Variants in TFB1M observed in about 807,000 individuals in gnomAD.
TFB1M encodes dimethyladenosine transferase 1, mitochondrial.
In TFB1M, 27 loss-of-function variants were observed where a neutral mutation model predicts 31.1. The ratio of observed to expected loss-of-function variants is 0.87; its 90% CI spans 0.64 to 1.20. The LOEUF (loss-of-function observed/expected upper bound fraction) is 1.20, where lower values mean the gene tolerates loss of function less well. TFB1M is among the 50% of genes most tolerant of loss of function. The pLI, the probability that TFB1M is intolerant of heterozygous loss-of-function variation, is 0.00. For synonymous variants in TFB1M, 166 were observed against 151.8 expected, an observed-to-expected ratio of 1.09 and a Z score of -0.69; for missense variants, 394 against 418.7, an observed-to-expected ratio of 0.94 and a Z score of 0.51.
At chr6:155,240,548 G>A in the TFB1M span, 2 of 1,613,690 alleles carry the variant, frequency 1.2e-6, no homozygotes, top group East Asian at 2.2e-5. Context: ...GCAGATCACT[G>A]CACTGTGCAG....
the TFB1M span, chr6:155,251,038 G>C: frequency 6.2e-7 from 1 of 1,604,834 alleles, no homozygotes; most frequent in South Asian, 1.1e-5. Context: ...ATTCCATTCA[G>C]AAGAATGCAG....
chr6:155,257,722 CATCTG>C lies in TFB1M; in HGVS notation c.*109_*113del. 7.8e-7 allele frequency: 1 copy of C among 1,285,542 alleles called. No homozygotes were observed. Among genetic ancestry groups the C allele is most frequent in the Non-Finnish European group, 1.1e-6 (1 of 908,456 alleles). 79.6% of individuals were successfully genotyped at this position (1,285,542 alleles called of 1,614,324 possible). A position where few individuals can be genotyped will look rare whatever the true frequency, so the allele number is the denominator to read the frequency against. On this transcript the variant is annotated 3_prime_UTR_variant, in exon 7 of 7. Coordinates refer to ENST00000367166, the MANE Select transcript of TFB1M (RefSeq NM_016020.4). The stretch of plus-strand genomic sequence containing the variant: ...TGTATAGTAAAAGGAAAATAAGTCA[CATCTG>C]GTCATTGGCATTTGTATCGTCATTC...
At chr6:155,254,785 C>G (rs1246599454), downstream of TFB1M, 2 of 554,628 alleles carry the variant, frequency 3.6e-6, no homozygotes, top group South Asian at 2.6e-5. Flanking sequence ...GTCTTCCTAC[C>G]CGCTGACATA....
intron 2 of TFB1M, chr6:155,310,779 T>C (rs564760403): frequency 2.8e-4 from 54 of 192,772 alleles, no homozygotes; most frequent in Middle Eastern, 2.4e-3. Context: ...ATCTTTTGTT[T>C]GTGGAAATGC....
At chr6:155,251,866 G>T, downstream of TFB1M, 1 of 1,134,700 alleles carries the variant, frequency 8.8e-7, no homozygotes, top group Non-Finnish European at 1.3e-6. Flanking sequence ...GTGTTACTCT[G>T]TTAAGACGTT....
chr6:155,244,955 G>A, the TFB1M span: 1 of 850,914 alleles, frequency 1.2e-6, no homozygotes, highest in Admixed American at 3.7e-5. Flanking sequence ...AAGGAAGGCT[G>A]TATATATTTT....
intron 5 of TFB1M, among the ~76,000 whole-genome samples, chr6:155,273,402 G>C (rs1382007884): frequency 5.9e-5 from 9 of 152,192 alleles, no homozygotes; most frequent in Non-Finnish European, 1.5e-5. Flanking sequence ...ATGTCTTAGA[G>C]AATCAATGTT....
chr6:155,267,269 C>T (rs917163788), intron 5 of TFB1M, among the ~76,000 whole-genome samples: 4 of 152,226 alleles, frequency 2.6e-5, no homozygotes, highest in African/African-American at 9.6e-5. Flanking sequence ...GCCACCACAC[C>T]TGGCCGTAGA....
At chr6:155,296,742 C>T (rs1583365497) in intron 4 of TFB1M, among the ~76,000 whole-genome samples, 1 of 137,006 alleles carries the variant, frequency 7.3e-6, no homozygotes. Context: ...CCTTGGCTAA[C>T]ATACATCATT....
intron 4 of TFB1M, among the ~76,000 whole-genome samples, chr6:155,286,924 T>C (rs1438847187): frequency 2.6e-5 from 4 of 152,074 alleles, no homozygotes; most frequent in African/African-American, 7.2e-5. Flanking sequence ...TTGAAATTTA[T>C]AGTGTTCAGA....
chr6:155,295,746 C>A (rs1372236417), intron 4 of TFB1M, among the ~76,000 whole-genome samples: 1 of 152,180 alleles, frequency 6.6e-6, no homozygotes, highest in South Asian at 2.1e-4. Context: ...TGCATCTGTA[C>A]TGAACATGTA....
At chr6:155,292,881 G>C (rs1776996725) in intron 4 of TFB1M, among the ~76,000 whole-genome samples, 1 of 152,178 alleles carries the variant, frequency 6.6e-6, no homozygotes, top group South Asian at 2.1e-4. Flanking sequence ...CCAGGCTGGA[G>C]TGCAGTGACA....
chr6:155,257,202 A>G lies in TFB1M; in HGVS notation c.*634T>C. The G allele has an allele frequency of 1.4e-6, 2 of 1,428,016 alleles. No homozygotes were observed. The highest frequency in any genetic ancestry group is 1.9e-6 in the Non-Finnish European group (2 of 1,052,542). The allele number at this position is 1,428,016 out of a possible 1,614,324, so 88.5% of individuals were successfully genotyped here. A position where few individuals can be genotyped will look rare whatever the true frequency, so the allele number is the denominator to read the frequency against. The stretch of plus-strand genomic sequence containing the variant: ...AAAGTGGAAATTGCAAAAAAAAAAA[A>G]AAAAAAAAACTGTTCATTCCTGGGT... On this transcript the variant is annotated 3_prime_UTR_variant, in exon 7 of 7. Transcript: ENST00000367166.
downstream of TFB1M, among the ~76,000 whole-genome samples, chr6:155,251,534 G>A (rs138559145): frequency 6.6e-6 from 1 of 152,216 alleles, no homozygotes; most frequent in African/African-American, 2.4e-5. Flanking sequence ...TGATCCACCT[G>A]CCTCAGCCTC....
the TFB1M span, chr6:155,244,690 G>A: frequency 1.2e-6 from 2 of 1,614,052 alleles, no homozygotes; most frequent in Non-Finnish European, 1.7e-6. Flanking sequence ...TGCCAGAGAT[G>A]CTTGAGTTTC....
rs748478638 is a variant in TFB1M at position 155,257,046 on chromosome 6, A to G, written c.*790T>C. On this transcript the variant is annotated 3_prime_UTR_variant, in exon 7 of 7. Transcript: ENST00000367166. The stretch of plus-strand genomic sequence containing the variant: ...ACCTAAATTCTGTTCTAGAGCGAGA[A>G]TTCAGTGTCCAGAGTTTAACATCTG... 6.2e-7 allele frequency: 1 copy of G among 1,614,192 alleles called. No homozygotes were observed. The highest frequency in any genetic ancestry group is 8.5e-7 in the Non-Finnish European group (1 of 1,180,038).
At chr6:155,279,224 T>TC (rs1282559024) in intron 5 of TFB1M, among the ~76,000 whole-genome samples, 1 of 151,852 alleles carries the variant, frequency 6.6e-6, no homozygotes, top group Non-Finnish European at 1.5e-5. Context: ...TTTTTTTTTT[T>TC]TTAACCTGTG....
chr6:155,251,257 C>T (rs1215073505), downstream of TFB1M, among the ~76,000 whole-genome samples: 1 of 152,178 alleles, frequency 6.6e-6, no homozygotes, highest in African/African-American at 2.4e-5. Flanking sequence ...AGGAACAGAT[C>T]CCTGCGGCTA....
rs1300569662 is a variant in TFB1M at position 155,265,745 on chromosome 6, A to T, written c.667-5345T>A. 6.9e-5 allele frequency among the ~76,000 whole-genome samples: 10 copies of T among 145,776 alleles called. No individual in the cohort carries two copies. The South Asian group carries it at 1.1e-3, about 15-fold the overall frequency. On this transcript the variant is annotated intron_variant, in intron 5 of 6. Coordinates refer to ENST00000367166, the MANE Select transcript of TFB1M (RefSeq NM_016020.4). Reference sequence around the variant, plus strand: ...TATAATATAAATATATATTATATATAATATATAATATATATTTAATATATA... The same window carrying T: ...TATAATATAAATATATATTATATATTATATATAATATATATTTAATATATA...
Sources: allele counts gnomAD v4.1 joint callset (sites outside exome capture counted in the v4.1 genomes callset), GRCh38; gene constraint gnomAD v4.1.1; transcripts MANE v1.5; gene names NCBI Gene and HGNC (gene_info 2026-07-23, HGNC 2026-07-21).